SERPINA9: variants seen among roughly 807,000 people sequenced by gnomAD.
SERPINA9 encodes serpin family A member 9.
A neutral mutation model predicts 24.5 loss-of-function variants in SERPINA9; 32 were observed. The ratio of observed to expected loss-of-function variants is 1.30; its 90% CI spans 0.98 to 1.75. SERPINA9 has a LOEUF of 1.75. Ranked by LOEUF, SERPINA9 falls within the 40% of genes most tolerant of loss-of-function variation. The pLI is 0.00. For synonymous variants in SERPINA9, 233 were observed against 197.7 expected, an observed-to-expected ratio of 1.18 and a Z score of -1.50; for missense variants, 594 against 497.1, an observed-to-expected ratio of 1.19 and a Z score of -1.85.
At chr14:94,469,158 A>C in intron 2 of SERPINA9, 55 bp downstream of exon 2, 2 of 1,458,210 alleles carry the variant, frequency 1.4e-6, no homozygotes, top group South Asian at 2.5e-5. Context: ...CTAAGCAAAA[A>C]TCATCATCAT....
chr14:94,474,510 C>T (rs1046989146), intron 1 of SERPINA9, among the ~76,000 whole-genome samples: 1 of 152,120 alleles, frequency 6.6e-6, no homozygotes, highest in African/African-American at 2.4e-5. Flanking sequence ...CTGAGGGCCC[C>T]CAGGTCATTG....
chr14:94,469,115 G>T (rs1023433054), intron 2 of SERPINA9, 98 bp downstream of exon 2: 3 of 1,074,302 alleles, frequency 2.8e-6, no homozygotes, highest in African/African-American at 1.6e-5. Context: ...TCTCCACCCT[G>T]CAGTCTAGGG....
In SERPINA9 at chr14:94,463,154, G is replaced by T. The variant is rs78420865; in HGVS notation, c.1193C>A (p.Thr398Lys). The change falls in exon 5 of 5, where the codon ACA becomes AAA. Residue 398 changes from threonine (T) to lysine (K), a missense_variant. Physicochemically the swap from Thr to Lys is moderately conservative, Grantham distance 78. Transcript: ENST00000674397. ...SFNRTFLMMI[T>K]NKATDGILFL... ...GAGAATACCGTCTGTGGCTTTATTT[G>T]TAATCATCATCAGGAAGGTCCTATT... 6.2e-7 allele frequency: 1 copy of T among 1,614,190 alleles called. No homozygotes were observed. Among genetic ancestry groups the T allele is most frequent in the Non-Finnish European group, 8.5e-7 (1 of 1,180,012 alleles).
At chr14:94,465,833 A>G (rs975823423) in intron 3 of SERPINA9, among the ~76,000 whole-genome samples, 1 of 152,182 alleles carries the variant, frequency 6.6e-6, no homozygotes, top group African/African-American at 2.4e-5. Flanking sequence ...AACATTTATT[A>G]TATGCCAGAC....
chr14:94,466,344 C>T (rs74074779), intron 3 of SERPINA9, among the ~76,000 whole-genome samples: 5,707 of 152,274 alleles, frequency 0.037, 350 homozygotes, highest in African/African-American at 0.13. Flanking sequence ...AGTGATCTCT[C>T]TCTGCTCAGA....
intron 1 of SERPINA9, among the ~76,000 whole-genome samples, chr14:94,474,783 G>C (rs1300679269): frequency 6.6e-6 from 1 of 152,020 alleles, no homozygotes; most frequent in Non-Finnish European, 1.5e-5. Flanking sequence ...CTCCCTCCCA[G>C]CTACCACAGC....
rs1898802760 is a variant in SERPINA9 at position 94,462,851 on chromosome 14, C to G, written c.*242G>C. 2.0e-6 allele frequency: 1 copy of G among 502,610 alleles called. No homozygotes were observed. Among genetic ancestry groups the G allele is most frequent in the African/African-American group, 1.9e-5 (1 of 52,070 alleles). The allele number at this position is 502,610 out of a possible 1,614,324, so 31.1% of individuals were successfully genotyped here. A position where few individuals can be genotyped will look rare whatever the true frequency, so the allele number is the denominator to read the frequency against. ...GAATGGAAATATGGTAACCCAGCAA[C>G]ATCCCATGAAGCTAGTTACCTGGGA... On this transcript the variant is annotated 3_prime_UTR_variant, in exon 5 of 5. Transcript: ENST00000674397.
chr14:94,465,128 AG>A (rs1335175868), intron 3 of SERPINA9, among the ~76,000 whole-genome samples: 2 of 152,220 alleles, frequency 1.3e-5, no homozygotes, highest in Non-Finnish European at 2.9e-5. Flanking sequence ...AGTCTATGGC[AG>A]AAACCAACAG....
chr14:94,466,720 G>T (rs911683492), intron 3 of SERPINA9, among the ~76,000 whole-genome samples: 1 of 152,046 alleles, frequency 6.6e-6, no homozygotes, highest in African/African-American at 2.4e-5. Context: ...TTTGGATTTG[G>T]TAATATTGTT....
intron 1 of SERPINA9, among the ~76,000 whole-genome samples, chr14:94,470,376 C>T (rs1335093275): frequency 1.3e-5 from 2 of 152,152 alleles, no homozygotes; most frequent in Non-Finnish European, 2.9e-5. Context: ...AAAGTGGAAA[C>T]CTGGAGCAAA....
intron 1 of SERPINA9, among the ~76,000 whole-genome samples, chr14:94,473,206 T>C (rs149294373): frequency 1.1e-3 from 172 of 152,266 alleles, no homozygotes; most frequent in Non-Finnish European, 1.9e-3. Flanking sequence ...TGCCCTGAGA[T>C]GGAGAAGCAT....
At position 94,469,793 on chromosome 14, in the gene SERPINA9, A is replaced by G. The variant is rs201918629; in HGVS notation, c.48T>C (p.Ala16=). 6.5e-7 allele frequency: 1 copy of G among 1,529,184 alleles called. No homozygotes were observed. Among genetic ancestry groups the G allele is most frequent in the African/African-American group, 1.4e-5 (1 of 72,154 alleles). 94.7% of individuals were successfully genotyped at this position (1,529,184 alleles called of 1,614,324 possible). The change falls in exon 2 of 5, where the codon GCT becomes GCC. Residue 16 remains alanine, a synonymous_variant. Transcript: ENST00000674397. ...TGGCCGGGGACACACAGTAGATTGG[A>G]GCACAGAGGCCAACAGCAAAGAGTA... ...YGVLFAVGLC[A]PIYCVSPANA... is the part of the protein sequence containing the mutation.
chr14:94,475,984 G>C (rs577272814), intron 1 of SERPINA9, 152 bp downstream of exon 1: 3 of 1,148,274 alleles, frequency 2.6e-6, no homozygotes, highest in African/African-American at 3.1e-5. Flanking sequence ...ATGTGACCCA[G>C]ATGCTACTAA....
In SERPINA9 at chr14:94,464,755, A is replaced by AT. The variant is rs1566790087; in HGVS notation, c.1001dup (p.Asn334LysfsTer3). On this transcript the variant is annotated frameshift_variant, in exon 4 of 5. Transcript: ENST00000674397. LOFTEE classifies it low-confidence loss of function (END_TRUNC). ...TCTTTGCAATTCCAGAAAAATCAGC[A>AT]TTTTTGTCAAAGACATTTTGGATGC... is the stretch of plus-strand genomic sequence containing the variant. 13 of 1,613,714 alleles carry AT rather than the reference A, an allele frequency of 8.1e-6. No homozygotes were observed. Among genetic ancestry groups the AT allele is most frequent in the Non-Finnish European group, 1.1e-5 (13 of 1,179,780 alleles).
chr14:94,468,803 A>C (rs1033481090), intron 2 of SERPINA9, among the ~76,000 whole-genome samples: 4 of 152,194 alleles, frequency 2.6e-5, no homozygotes, highest in Admixed American at 6.5e-5. Context: ...TACACCTATG[A>C]AAGTGTTCAC....
chr14:94,467,560 C>G (rs996853950), intron 2 of SERPINA9, among the ~76,000 whole-genome samples, 178 bp from the exon 3 acceptor site: 4 of 152,106 alleles, frequency 2.6e-5, no homozygotes, highest in African/African-American at 7.2e-5. Context: ...TACTAAAAAG[C>G]AATAAAATGG....
intron 1 of SERPINA9, among the ~76,000 whole-genome samples, chr14:94,475,367 A>C (rs183504725): frequency 6.6e-6 from 1 of 152,158 alleles, no homozygotes; most frequent in Non-Finnish European, 1.5e-5. Flanking sequence ...CCAGGGTGGA[A>C]TGGATGCCCA....
chr14:94,469,074 C>G (rs1461110817), intron 2 of SERPINA9, 139 bp downstream of exon 2: 3 of 725,826 alleles, frequency 4.1e-6, no homozygotes, highest in Non-Finnish European at 6.7e-6. Context: ...CAGCTAATTG[C>G]AAAGCTAATT....
intron 3 of SERPINA9, among the ~76,000 whole-genome samples, chr14:94,466,824 C>G (rs896608813): frequency 3.9e-5 from 6 of 152,188 alleles, no homozygotes; most frequent in African/African-American, 1.2e-4. Context: ...CTTCTAGAGC[C>G]AGCTCTGCAA....
Sources: allele counts gnomAD v4.1 joint callset (sites outside exome capture counted in the v4.1 genomes callset), GRCh38; gene constraint gnomAD v4.1.1; transcripts MANE v1.5; gene names NCBI Gene and HGNC (gene_info 2026-07-23, HGNC 2026-07-21).